DOCK7: variants seen among roughly 807,000 people sequenced by gnomAD.
DOCK7 encodes the protein dedicator of cytokinesis protein 7.
Under a neutral mutation model 271.0 loss-of-function variants are expected in DOCK7, and 138 were observed. The ratio of observed to expected loss-of-function variants is 0.51; its 90% CI spans 0.44 to 0.59. The LOEUF (loss-of-function observed/expected upper bound fraction) is 0.59, where lower values mean the gene tolerates loss of function less well. DOCK7 is among the 20% of genes least tolerant of loss of function. The pLI, the probability that DOCK7 is intolerant of heterozygous loss-of-function variation, is 0.00. For synonymous variants in DOCK7, 823 were observed against 876.1 expected (o/e 0.94, Z 1.07); for missense variants, 2,066 against 2,592.4 (o/e 0.80, Z 4.41).
intron 31 of DOCK7, among the ~76,000 whole-genome samples, chr1:62,515,339 C>A (rs191129845): frequency 1.2e-4 from 19 of 152,282 alleles, no homozygotes; most frequent in African/African-American, 4.6e-4. Flanking sequence ...TGCTTCTGAG[C>A]TGGGCACAAA....
At chr1:62,620,540 TCTATGC>T (rs1653056369) in intron 12 of DOCK7, among the ~76,000 whole-genome samples, 1 of 151,966 alleles carries the variant, frequency 6.6e-6, no homozygotes, top group African/African-American at 2.4e-5. Context: ...TAGTCCATTA[TCTATGC>T]CTATAAAGTA....
intron 22 of DOCK7, among the ~76,000 whole-genome samples, chr1:62,550,770 G>T (rs1645868360): frequency 6.6e-6 from 1 of 151,594 alleles, no homozygotes; most frequent in Non-Finnish European, 1.5e-5. Context: ...TCACAGGCTG[G>T]AGTGCAATGG....
intron 10 of DOCK7, 23 bp downstream of exon 10, chr1:62,633,464 TAATGTGGCGGA>T (rs1408477931): frequency 1.4e-6 from 2 of 1,478,728 alleles, no homozygotes; most frequent in Admixed American, 3.4e-5. Flanking sequence ...ACAATAGTAA[TAATGTGGCGGA>T]AATGAGAAGC....
chr1:62,598,783 C>T (rs573428165), intron 14 of DOCK7: 1 of 1,603,100 alleles, frequency 6.2e-7, no homozygotes, highest in African/African-American at 1.3e-5. Context: ...ACAGCATAGT[C>T]AAATAAAAGA....
At chr1:62,553,275 C>T (rs1304985070) in intron 21 of DOCK7, among the ~76,000 whole-genome samples, 5 of 136,820 alleles carry the variant, frequency 3.7e-5, no homozygotes, top group Admixed American at 7.5e-5. Flanking sequence ...CCTTGCGATC[C>T]GCCTGAAGAG....
At chr1:62,537,350 G>A (rs146395778) in intron 28 of DOCK7, among the ~76,000 whole-genome samples, 24 of 152,152 alleles carry the variant, frequency 1.6e-4, no homozygotes, top group African/African-American at 5.8e-4. Flanking sequence ...TTGAGAGGCC[G>A]AGGCCGGCAG....
chr1:62,621,035 G>T (rs1192640787), intron 12 of DOCK7, among the ~76,000 whole-genome samples: 1 of 151,976 alleles, frequency 6.6e-6, no homozygotes, highest in African/African-American at 2.4e-5. Context: ...TTACTTTTTA[G>T]TTCATATTTG....
intron 7 of DOCK7, among the ~76,000 whole-genome samples, chr1:62,643,587 G>C (rs981585434): frequency 6.6e-6 from 1 of 151,914 alleles, no homozygotes; most frequent in Non-Finnish European, 1.5e-5. Context: ...ACTATGTTTA[G>C]TCTGGATATG....
At chr1:62,647,208 C>G (rs1000898326) in intron 7 of DOCK7, among the ~76,000 whole-genome samples, 6 of 152,090 alleles carry the variant, frequency 3.9e-5, no homozygotes, top group African/African-American at 2.4e-5. Flanking sequence ...CTTTGTAAAG[C>G]AGAATGTAAA....
rs781529074 is a variant in DOCK7 at position 62,604,150 on chromosome 1, T to C, written c.1682+14556A>G. 71 of 1,613,328 alleles carry C rather than the reference T, an allele frequency of 4.4e-5. No homozygotes were observed. The highest frequency in any genetic ancestry group is 8.3e-5 in the Admixed American group (5 of 59,930). On this transcript the variant is annotated intron_variant, in intron 14 of 49. Coordinates refer to ENST00000635253, the MANE Select transcript of DOCK7 (RefSeq NM_001367561.1). ...TTGCGATTACTGGCAATGTCCCCAA[T>C]GCAATCCCGGAAAACAAAGATTTGG...
chr1:62,584,922 T>A (rs1183195722), intron 15 of DOCK7: 2 of 691,358 alleles, frequency 2.9e-6, no homozygotes, highest in African/African-American at 3.6e-5. Flanking sequence ...GAAGAGTTTG[T>A]TAGGTAAACA....
At chr1:62,595,218 T>C (rs1649051421) in intron 14 of DOCK7, among the ~76,000 whole-genome samples, 1 of 152,186 alleles carries the variant, frequency 6.6e-6, no homozygotes, top group Admixed American at 6.5e-5. Context: ...TATCTTAATA[T>C]GCAATTAATT....
At chr1:62,487,365 T>C in intron 43 of DOCK7, 33 bp downstream of exon 43, 2 of 1,599,428 alleles carry the variant, frequency 1.3e-6, no homozygotes, top group African/African-American at 1.3e-5. Context: ...AATCAATCTA[T>C]TAGTGTCTTT....
At chr1:62,613,882 T>G (rs530527171) in intron 14 of DOCK7, among the ~76,000 whole-genome samples, 1 of 152,278 alleles carries the variant, frequency 6.6e-6, no homozygotes, top group Admixed American at 6.5e-5. Flanking sequence ...AGATATAAAT[T>G]TGAACCCCCT....
At chr1:62,549,058 C>T (rs1016163753) in intron 22 of DOCK7, among the ~76,000 whole-genome samples, 12 of 151,710 alleles carry the variant, frequency 7.9e-5, no homozygotes, top group African/African-American at 2.9e-4. Flanking sequence ...AGAGAGAAGA[C>T]AAGAGAAGAG....
chr1:62,612,398 G>A (rs1571767636), intron 14 of DOCK7, among the ~76,000 whole-genome samples: 1 of 152,082 alleles, frequency 6.6e-6, no homozygotes, highest in African/African-American at 2.4e-5. Context: ...TGCAAGGGAG[G>A]GAGAGCATTA....
At chr1:62,473,708 C>T (rs556645294) in intron 48 of DOCK7, among the ~76,000 whole-genome samples, 4 of 152,154 alleles carry the variant, frequency 2.6e-5, no homozygotes, top group Admixed American at 2.0e-4. Flanking sequence ...CTCAGCCTCC[C>T]GAGTAGCTGG....
rs776867458 is a variant in DOCK7, at chr1:62,510,610, G to A, written c.4346C>T (p.Thr1449Ile). 6.2e-6 allele frequency: 10 copies of A among 1,613,422 alleles called. No homozygotes were observed. Among genetic ancestry groups the A allele is most frequent in the Non-Finnish European group, 8.5e-6 (10 of 1,179,608 alleles). Residue 1449 changes from threonine to isoleucine, a missense_variant, in exon 34 of 50, where the codon ACT becomes ATT. Thr to Ile is a moderately conservative substitution (Grantham distance 89). Transcript: ENST00000635253. ...QENLRWRKDM[T>I]HWRQNTEKLD... ...CTTCTCTGTGTTTTGACGCCAGTGA[G>A]TCATATCTTTCCTCCACCTCAAATT... is the stretch of plus-strand genomic sequence containing the variant.
At chr1:62,461,375 A>G (rs1055533413) in intron 48 of DOCK7, among the ~76,000 whole-genome samples, 1 of 152,106 alleles carries the variant, frequency 6.6e-6, no homozygotes, top group Non-Finnish European at 1.5e-5. Context: ...TTCTCATGTA[A>G]AAGTAATATA....
Sources: allele counts gnomAD v4.1 joint callset (sites outside exome capture counted in the v4.1 genomes callset), GRCh38; gene constraint gnomAD v4.1.1; transcripts MANE v1.5; gene names NCBI Gene and HGNC (gene_info 2026-07-23, HGNC 2026-07-21).